RRM2B: variants seen among roughly 807,000 people sequenced by gnomAD.
The protein encoded by RRM2B is ribonucleotide reductase regulatory TP53 inducible subunit M2B.
A neutral mutation model predicts 45.9 loss-of-function variants in RRM2B; 20 were observed. That is an observed-to-expected ratio of 0.44 (90% CI 0.31 to 0.63). RRM2B has a LOEUF of 0.63. Among genes scored for constraint, RRM2B ranks in the 30% least tolerant of loss-of-function variants. The pLI, the probability that RRM2B is intolerant of heterozygous loss-of-function variation, is 0.09. For synonymous variants in RRM2B, 124 were observed against 132.3 expected (o/e 0.94, Z 0.43); for missense variants, 320 against 414.7 (o/e 0.77, Z 1.98).
chr8:102,225,824 C>T (rs1273173815), intron 3 of RRM2B, 94 bp downstream of exon 3: 2 of 785,120 alleles, frequency 2.5e-6, no homozygotes, highest in Non-Finnish European at 4.6e-6. Context: ...ATTTTTTAGA[C>T]ATCTTGTCTT....
intron 3 of RRM2B, among the ~76,000 whole-genome samples, chr8:102,225,576 AC>A (rs1482645498): frequency 6.6e-6 from 1 of 152,106 alleles, no homozygotes; most frequent in Non-Finnish European, 1.5e-5. Context: ...CTCCTGATCA[AC>A]CATAATCAAG....
chr8:102,232,126 C>T (rs768086068), intron 2 of RRM2B, 23 bp downstream of exon 2: 14 of 1,610,258 alleles, frequency 8.7e-6, no homozygotes, highest in Non-Finnish European at 1.2e-5. Context: ...GATGTGAATG[C>T]TCTTGGAGGC....
At chr8:102,221,712 G>GTAGT (rs1390536878) in intron 5 of RRM2B, among the ~76,000 whole-genome samples, 12 of 152,214 alleles carry the variant, frequency 7.9e-5, no homozygotes, top group Non-Finnish European at 1.6e-4. Flanking sequence ...GAGTCCTCAT[G>GTAGT]TAGTTACATG....
At chr8:102,220,481 C>G (rs1381770125) in intron 5 of RRM2B, among the ~76,000 whole-genome samples, 1 of 151,812 alleles carries the variant, frequency 6.6e-6, no homozygotes, top group Admixed American at 6.6e-5. Flanking sequence ...CTCTTGTCAC[C>G]CAGGCTGTAG....
At chr8:102,235,914 G>A (rs969709587) in intron 1 of RRM2B, among the ~76,000 whole-genome samples, 1 of 152,166 alleles carries the variant, frequency 6.6e-6, no homozygotes, top group Admixed American at 6.5e-5. Context: ...ATATAACACT[G>A]CAGAACACGA....
At position 102,224,028 on chromosome 8, in the gene RRM2B, T is replaced by C. The variant is rs1224728379; in HGVS notation, c.550+18A>G. 1.3e-6 allele frequency: 2 copies of C among 1,567,030 alleles called. No homozygotes were observed. Among genetic ancestry groups the C allele is most frequent in the Admixed American group, 1.7e-5 (1 of 59,956 alleles). On this transcript the variant is annotated intron_variant, in intron 5 of 8. Transcript: ENST00000251810. The stretch of plus-strand genomic sequence containing the variant: ...CACCTTAGGCAAATCTGATCATACA[T>C]AAATTAGAGCCACATACCAAAAGTA...
intron 8 of RRM2B, among the ~76,000 whole-genome samples, chr8:102,212,324 A>G (rs1001714405): frequency 6.6e-6 from 1 of 152,224 alleles, no homozygotes; most frequent in African/African-American, 2.4e-5. Flanking sequence ...ATTCAGGTAC[A>G]TTATCTCTGA....
intron 1 of RRM2B, among the ~76,000 whole-genome samples, chr8:102,234,305 T>C (rs997921250): frequency 5.3e-5 from 8 of 152,172 alleles, no homozygotes; most frequent in Non-Finnish European, 8.8e-5. Flanking sequence ...CTGTAGACTA[T>C]TAAGAGGAGT....
intron 3 of RRM2B, 145 bp from the exon 4 acceptor site, chr8:102,225,163 G>A: frequency 1.4e-6 from 1 of 720,490 alleles, no homozygotes; most frequent in East Asian, 3.0e-5. Context: ...ATTATTTTAA[G>A]CAGTATCCTA....
intron 5 of RRM2B, among the ~76,000 whole-genome samples, chr8:102,220,030 G>A (rs1259483393): frequency 6.6e-6 from 1 of 152,192 alleles, no homozygotes; most frequent in Non-Finnish European, 1.5e-5. Flanking sequence ...CTTGAATGCA[G>A]GAGTTAGAGA....
At chr8:102,228,111 T>A (rs1810965434) in intron 2 of RRM2B, among the ~76,000 whole-genome samples, 1 of 152,034 alleles carries the variant, frequency 6.6e-6, no homozygotes, top group East Asian at 1.9e-4. Context: ...CCCACTCCCC[T>A]ACCCTGTGCC....
intron 1 of RRM2B, among the ~76,000 whole-genome samples, chr8:102,233,190 C>T (rs1355581116): frequency 1.3e-5 from 2 of 152,178 alleles, no homozygotes; most frequent in Admixed American, 6.5e-5. Flanking sequence ...GTGACAGGCC[C>T]GTTATGTTCC....
At position 102,206,408 on chromosome 8, in the gene RRM2B, A is replaced by G. The variant is rs1810544944; in HGVS notation, c.*1725T>C. On this transcript the variant is annotated 3_prime_UTR_variant, in exon 9 of 9. Transcript: ENST00000251810. ...AACACTTGGCAAACTGAAGCAATGCAAAAATTAATGGTATTATCATAGGCC... is the reference window on the plus strand; with the variant it reads ...AACACTTGGCAAACTGAAGCAATGCGAAAATTAATGGTATTATCATAGGCC... The G allele has an allele frequency of 1.3e-5, 2 of 152,210 alleles. No individual in the cohort carries two copies. The highest frequency in any genetic ancestry group is 4.1e-4 in the South Asian group (2 of 4,836). 9.4% of individuals were successfully genotyped at this position (152,210 alleles called of 1,614,324 possible). A position where few individuals can be genotyped will look rare whatever the true frequency, so the allele number is the denominator to read the frequency against.
intron 1 of RRM2B, among the ~76,000 whole-genome samples, chr8:102,235,777 T>C: frequency 6.6e-6 from 1 of 152,126 alleles, no homozygotes; most frequent in East Asian, 1.9e-4. Context: ...AGGCAGAGGT[T>C]GCAGTGAGCC....
chr8:102,234,182 G>A (rs1193296012), intron 1 of RRM2B, among the ~76,000 whole-genome samples: 2 of 152,192 alleles, frequency 1.3e-5, no homozygotes, highest in South Asian at 2.1e-4. Flanking sequence ...ATGCCCTGAC[G>A]ATGAATGAAG....
In RRM2B at chr8:102,207,716, G is replaced by A. The variant is rs1431650474; in HGVS notation, c.*417C>T. 6.0e-6 allele frequency: 1 copy of A among 165,602 alleles called. No homozygotes were observed. The highest frequency in any genetic ancestry group is 2.4e-5 in the African/African-American group (1 of 41,506). 10.3% of individuals were successfully genotyped at this position (165,602 alleles called of 1,614,324 possible). On this transcript the variant is annotated 3_prime_UTR_variant, in exon 9 of 9. Transcript: ENST00000251810. ...TAGTGGTGCTAACAGTAGTAGTGTT[G>A]GTTAAGCATTTATTTTTGCATCCTA...
At chr8:102,236,809 G>A (rs553009680) in intron 1 of RRM2B, among the ~76,000 whole-genome samples, 17 of 152,214 alleles carry the variant, frequency 1.1e-4, no homozygotes, top group South Asian at 4.1e-4. Flanking sequence ...TCCAGTTTCC[G>A]ACTGACTCAA....
At chr8:102,212,416 T>C (rs983842111) in intron 8 of RRM2B, among the ~76,000 whole-genome samples, 1 of 152,218 alleles carries the variant, frequency 6.6e-6, no homozygotes, top group African/African-American at 2.4e-5. Context: ...CTATTCCCTA[T>C]TTAAAAGTAT....
Position 102,204,676 on chromosome 8 carries a change from T to C in RRM2B, c.*3457A>G, listed in dbSNP as rs1810513403. ...AAAAACAAATTCTGTACATGCAGGC[T>C]TGGCTTGATTGACCATAATGTATTT... is the stretch of plus-strand genomic sequence containing the variant. On this transcript the variant is annotated 3_prime_UTR_variant, in exon 9 of 9. Transcript: ENST00000251810. 2.0e-5 allele frequency: 3 copies of C among 152,150 alleles called. No individual in the cohort carries two copies. Among genetic ancestry groups the C allele is most frequent in the Admixed American group, 2.0e-4 (3 of 15,276 alleles). 9.4% of individuals were successfully genotyped at this position (152,150 alleles called of 1,614,324 possible).
Sources: gnomAD v4.1 joint callset for allele counts (sites outside exome capture counted in the v4.1 genomes callset) on GRCh38, gnomAD v4.1.1 for gene constraint, MANE v1.5 for transcripts, NCBI Gene and HGNC (gene_info 2026-07-23, HGNC 2026-07-21) for gene names.